Variants in INSL6 observed in about 807,000 individuals in gnomAD.
INSL6 encodes the protein insulin like 6.
In INSL6, 16 loss-of-function variants were observed where a neutral mutation model predicts 9.4. The ratio of observed to expected loss-of-function variants is 1.70; its 90% CI spans 1.15 to 2.59. The LOEUF is 2.59. INSL6 is among the 30% of genes most tolerant of loss of function. INSL6 has a pLI of 0.00. For synonymous variants in INSL6, 154 were observed against 96.9 expected, an observed-to-expected ratio of 1.59 and a Z score of -3.46; for missense variants, 391 against 257.3, an observed-to-expected ratio of 1.52 and a Z score of -3.56.
At chr9:5,140,302 A>G (rs1824471586) in intron 2 of INSL6, among the ~76,000 whole-genome samples, 1 of 152,108 alleles carries the variant, frequency 6.6e-6, no homozygotes, top group African/African-American at 2.4e-5. Flanking sequence ...TATTTTCTCC[A>G]AAAAGCAGCC....
the INSL6 span, among the ~76,000 whole-genome samples, chr9:5,042,417 G>A: frequency 6.6e-5 from 10 of 152,192 alleles, 1 homozygote; most frequent in South Asian, 2.1e-3. Context: ...GATTACAGGC[G>A]TGAGCCACCG....
chr9:5,065,130 GA>G, the INSL6 span: 14,313 of 776,790 alleles, frequency 0.018, 345 homozygotes, highest in Non-Finnish European at 0.017. Context: ...TGTATGTTTA[GA>G]AAAAAATAAT....
At chr9:5,123,083 C>A (rs757508742), downstream of INSL6, 13 of 1,610,836 alleles carry the variant, frequency 8.1e-6, no homozygotes, top group Non-Finnish European at 1.1e-5. Context: ...TCTGTATGAA[C>A]TTTTCACATA....
intron 1 of INSL6, among the ~76,000 whole-genome samples, chr9:5,172,905 G>A (rs1438369296): frequency 6.6e-6 from 1 of 151,618 alleles, no homozygotes; most frequent in African/African-American, 2.4e-5. Flanking sequence ...TCTAGCCTGG[G>A]TGACAAAGCA....
intron 3 of INSL6, chr9:5,126,762 G>A: frequency 6.2e-7 from 1 of 1,609,196 alleles, no homozygotes; most frequent in Non-Finnish European, 8.5e-7. Context: ...TCTTCGAGTG[G>A]ATCAAATAAG....
At chr9:5,080,990 G>T in the INSL6 span, among the ~76,000 whole-genome samples, 724 of 148,240 alleles carry the variant, frequency 4.9e-3, 11 homozygotes, top group African/African-American at 0.017. Context: ...CCACCTCCAA[G>T]GTTCACGCCA....
At chr9:5,008,436 A>G in the INSL6 span, among the ~76,000 whole-genome samples, 1 of 152,214 alleles carries the variant, frequency 6.6e-6, no homozygotes, top group African/African-American at 2.4e-5. Context: ...AAGGGCTGGC[A>G]CTTTTGGTGA....
intron 2 of INSL6, among the ~76,000 whole-genome samples, chr9:5,134,508 A>G (rs755720895): frequency 6.6e-6 from 1 of 152,232 alleles, no homozygotes; most frequent in Non-Finnish European, 1.5e-5. Context: ...CAGAAACCCT[A>G]CAAGCCAGAA....
chr9:5,088,250 C>T, the INSL6 span, among the ~76,000 whole-genome samples: 2 of 152,096 alleles, frequency 1.3e-5, no homozygotes, highest in African/African-American at 2.4e-5. Context: ...GGTCTATCCA[C>T]CTTATTGTGT....
At chr9:5,048,160 G>A in the INSL6 span, among the ~76,000 whole-genome samples, 4 of 148,802 alleles carry the variant, frequency 2.7e-5, no homozygotes, top group South Asian at 2.1e-4. Context: ...CTTTTTTTTT[G>A]AGATGGAGTC....
At chr9:4,992,579 T>C in the INSL6 span, among the ~76,000 whole-genome samples, 1 of 152,200 alleles carries the variant, frequency 6.6e-6, no homozygotes, top group Middle Eastern at 3.2e-3. Context: ...GAGCTTCTCC[T>C]CAAAGGTCCC....
chr9:5,125,625 T>C (rs1404054784), intron 3 of INSL6, among the ~76,000 whole-genome samples: 1 of 151,588 alleles, frequency 6.6e-6, no homozygotes, highest in Admixed American at 6.6e-5. Context: ...CAGCAATGCA[T>C]AGGGATGTAC....
chr9:5,130,592 G>C (rs928768319), intron 3 of INSL6, among the ~76,000 whole-genome samples: 2 of 151,852 alleles, frequency 1.3e-5, no homozygotes, highest in African/African-American at 4.8e-5. Context: ...AAAATGTTTA[G>C]GTGCTTTTCA....
rs78079550 is a variant in INSL6, at chr9:5,157,362, T to C, written c.376+6817A>G. On this transcript the variant is annotated intron_variant, in intron 2 of 3. Coordinates refer to the INSL6 transcript ENST00000649639. ...AATTTAAAGATGTAATATACATCTA[T>C]AGTAATCAAGAAAGTATGGTATTGG... Among the ~76,000 whole-genome samples, 51 of 152,272 alleles carry C rather than the reference T, an allele frequency of 3.3e-4. 1 individual carries two copies. The East Asian group carries it at 8.7e-3, about 26-fold the overall frequency.
the INSL6 span, among the ~76,000 whole-genome samples, chr9:5,105,469 C>A: frequency 6.6e-6 from 1 of 152,244 alleles, no homozygotes; most frequent in South Asian, 2.1e-4. Flanking sequence ...GAATCAATAT[C>A]GTGAAAATGG....
At chr9:5,096,640 C>A in the INSL6 span, 1 of 152,166 alleles carries the variant, frequency 6.6e-6, no homozygotes, top group African/African-American at 2.4e-5. Flanking sequence ...AATGCTTACT[C>A]AGCCATTTTA....
chr9:5,053,418 C>A, the INSL6 span, among the ~76,000 whole-genome samples: 2 of 151,838 alleles, frequency 1.3e-5, no homozygotes, highest in Admixed American at 6.6e-5. Flanking sequence ...TTATTTCCTC[C>A]CATTCTGTGT....
the INSL6 span, among the ~76,000 whole-genome samples, chr9:5,046,268 G>A: frequency 6.6e-6 from 1 of 152,022 alleles, no homozygotes; most frequent in Non-Finnish European, 1.5e-5. Flanking sequence ...CAGGTTGTTT[G>A]TTTGTTGTTA....
At chr9:5,013,542 A>G in the INSL6 span, among the ~76,000 whole-genome samples, 1 of 152,206 alleles carries the variant, frequency 6.6e-6, no homozygotes, top group African/African-American at 2.4e-5. Flanking sequence ...GAACCTTCCA[A>G]TCCAGCCAAA....
Sources: allele counts gnomAD v4.1 joint callset (sites outside exome capture counted in the v4.1 genomes callset), GRCh38; gene constraint gnomAD v4.1.1; transcripts MANE v1.5; gene names NCBI Gene and HGNC (gene_info 2026-07-23, HGNC 2026-07-21).